CFAP92: variants seen among roughly 807,000 people sequenced by gnomAD.
CFAP92 encodes the protein cilia and flagella associated protein 92 (putative), also known as uncharacterized protein CFAP92.
CFAP92 carries 86 observed loss-of-function variants against 106.3 expected under a neutral mutation model. The ratio of observed to expected loss-of-function variants is 0.81; its 90% CI spans 0.68 to 0.97. CFAP92 has a LOEUF of 0.97. Among genes scored for constraint, CFAP92 ranks in the 50% least tolerant of loss-of-function variants. The pLI is 0.00. For synonymous variants in CFAP92, 477 were observed against 506.4 expected, an observed-to-expected ratio of 0.94 and a Z score of 0.78; for missense variants, 1,204 against 1,283.8, an observed-to-expected ratio of 0.94 and a Z score of 0.95.
upstream of CFAP92, among the ~76,000 whole-genome samples, chr3:128,997,832 G>C (rs766499109): frequency 6.6e-6 from 1 of 152,178 alleles, no homozygotes; most frequent in Non-Finnish European, 1.5e-5. Flanking sequence ...AGGAGTGGAA[G>C]AGTTGGGTCG....
intron 9 of CFAP92, among the ~76,000 whole-genome samples, chr3:128,965,282 CT>C (rs1316500434): frequency 3.3e-5 from 5 of 152,216 alleles, no homozygotes; most frequent in Non-Finnish European, 5.9e-5. Context: ...GGCCCCACCC[CT>C]ATCTCCCTTT....
the CFAP92 span, among the ~76,000 whole-genome samples, chr3:129,013,404 C>T: frequency 5.8e-4 from 88 of 152,254 alleles, 1 homozygote; most frequent in Middle Eastern, 3.4e-3. Context: ...AAATCTCAAG[C>T]GTATATAGCT....
the CFAP92 span, among the ~76,000 whole-genome samples, chr3:129,018,281 G>A: frequency 6.6e-6 from 1 of 152,176 alleles, no homozygotes; most frequent in Non-Finnish European, 1.5e-5. Flanking sequence ...TCCGGGGTTA[G>A]CAAACTACAG....
chr3:128,942,767 G>A (rs563183747), intron 10 of CFAP92, among the ~76,000 whole-genome samples: 143 of 151,142 alleles, frequency 9.5e-4, no homozygotes, highest in African/African-American at 3.2e-3. Context: ...CTCCGCCCAC[G>A]GGTTCAAGCA....
chr3:129,001,533 AGCCCCTCCTTTCGAGAAACTCTGGGGCC>A (rs1424607223), intron 1 of CFAP92: 1 of 1,338,960 alleles, frequency 7.5e-7, no homozygotes, highest in Non-Finnish European at 9.5e-7. Context: ...GCGACCGCTA[AGCCCCTCCTTTCGAGAAACTCTGGGGCC>A]GCCCCTGGAA....
At chr3:128,938,752 A>G (rs1170966786) in intron 10 of CFAP92, among the ~76,000 whole-genome samples, 1 of 152,052 alleles carries the variant, frequency 6.6e-6, no homozygotes, top group Non-Finnish European at 1.5e-5. Flanking sequence ...TCAGCCTCCC[A>G]AAGTGCTGGG....
At chr3:128,912,797 T>C (rs1325388261) in intron 15 of CFAP92, 3 of 732,886 alleles carry the variant, frequency 4.1e-6, no homozygotes, top group Non-Finnish European at 7.5e-6. Context: ...CAGTGCTCTC[T>C]AACAGGACCA....
chr3:128,962,164 G>A (rs1455275938), intron 9 of CFAP92, among the ~76,000 whole-genome samples: 2 of 152,220 alleles, frequency 1.3e-5, no homozygotes, highest in African/African-American at 2.4e-5. Flanking sequence ...CGGCTTAGCG[G>A]CTGAAGACTG....
chr3:129,004,240 AGTTAT>A (rs976611410), upstream of CFAP92, among the ~76,000 whole-genome samples: 1 of 152,090 alleles, frequency 6.6e-6, no homozygotes, highest in African/African-American at 2.4e-5. Flanking sequence ...CCATTTCTTA[AGTTAT>A]AAGTCTGCTC....
upstream of CFAP92, among the ~76,000 whole-genome samples, chr3:129,004,320 C>T (rs1944962988): frequency 6.6e-6 from 1 of 151,020 alleles, no homozygotes; most frequent in South Asian, 2.1e-4. Flanking sequence ...CATCCATTCA[C>T]CCACCCCACA....
At chr3:129,000,422 A>AAAAATGT (rs1462399645) in intron 1 of CFAP92, among the ~76,000 whole-genome samples, 1 of 152,154 alleles carries the variant, frequency 6.6e-6, no homozygotes, top group African/African-American at 2.4e-5. Flanking sequence ...TCAAACGGCA[A>AAAAATGT]GATTTTACAT....
rs567393086 is a variant in CFAP92 at position 128,993,153 on chromosome 3, G to A, written c.152C>T (p.Pro51Leu). 5.9e-5 allele frequency: 95 copies of A among 1,614,066 alleles called. No individual in the cohort carries two copies. Among genetic ancestry groups the A allele is most frequent in the East Asian group, 2.7e-4 (12 of 44,886 alleles). Residue 51 changes from proline to leucine, a missense_variant, in exon 2 of 16, where the codon CCG becomes CTG. Transcript: ENST00000645291. ...ARAQESDSDR[P>L]CSSIESSSEP... ...AGATGAGGACTCGATGCTGCTGCAC[G>A]GGCGGTCAGAGTCAGACTCCTGGGC...
chr3:128,952,037 CT>C (rs1174174234), intron 9 of CFAP92, among the ~76,000 whole-genome samples: 1 of 152,122 alleles, frequency 6.6e-6, no homozygotes, highest in Non-Finnish European at 1.5e-5. Flanking sequence ...GATGGTAACT[CT>C]CTCATCTCCC....
intron 9 of CFAP92, among the ~76,000 whole-genome samples, chr3:128,946,665 C>T (rs58058466): frequency 0.14 from 21,987 of 152,074 alleles, 1,647 homozygotes; most frequent in Middle Eastern, 0.17. Flanking sequence ...AAAATAATCC[C>T]GGATTGGCGG....
intron 12 of CFAP92, among the ~76,000 whole-genome samples, chr3:128,931,344 T>A (rs1188896773): frequency 6.6e-6 from 1 of 151,920 alleles, no homozygotes. Flanking sequence ...CCCAGCTAAT[T>A]TTCTGTAGAG....
intron 1 of CFAP92, chr3:129,002,390 G>T: frequency 6.8e-7 from 1 of 1,472,758 alleles, no homozygotes; most frequent in Non-Finnish European, 9.0e-7. Flanking sequence ...AAGCTGGCTG[G>T]CTGCGGAGCC....
chr3:128,973,611 G>A (rs907524038), intron 7 of CFAP92, among the ~76,000 whole-genome samples: 10 of 151,426 alleles, frequency 6.6e-5, no homozygotes, highest in African/African-American at 9.7e-5. Context: ...AGCCGAGATC[G>A]CGCCATTGTA....
intron 8 of CFAP92, chr3:128,967,201 C>T (rs1559909440): frequency 6.6e-6 from 1 of 152,208 alleles, no homozygotes; most frequent in African/African-American, 2.4e-5. Flanking sequence ...CCAAGTCGCT[C>T]ACATTCAGAA....
chr3:128,933,366 G>A (rs992844624), intron 11 of CFAP92, among the ~76,000 whole-genome samples: 1 of 152,184 alleles, frequency 6.6e-6, no homozygotes, highest in East Asian at 1.9e-4. Context: ...ATCATACACC[G>A]AGCCTCAGGG....
Sources: gnomAD v4.1 joint callset for allele counts (sites outside exome capture counted in the v4.1 genomes callset) on GRCh38, gnomAD v4.1.1 for gene constraint, MANE v1.5 for transcripts, NCBI Gene and HGNC (gene_info 2026-07-23, HGNC 2026-07-21) for gene names.